NFATC1: variants seen among roughly 807,000 people sequenced by gnomAD.
NFATC1 encodes the protein nuclear factor of activated T-cells, cytoplasmic 1.
Under a neutral mutation model 76.0 loss-of-function variants are expected in NFATC1, and 22 were observed. The ratio of observed to expected loss-of-function variants is 0.29; its 90% confidence interval spans 0.21 to 0.41. The LOEUF (loss-of-function observed/expected upper bound fraction) is 0.41, where lower values mean the gene tolerates loss of function less well. Ranked by LOEUF, NFATC1 falls within the 10% of genes least tolerant of loss-of-function variation. NFATC1 has a pLI of 1.00. For missense variants in NFATC1, 1,357 were observed against 1,337.7 expected (o/e 1.01, Z -0.23); for synonymous variants, 704 against 613.1 (o/e 1.15, Z -2.19).
chr18:79,481,103 G>A (rs115554373), intron 8 of NFATC1, among the ~76,000 whole-genome samples: 202 of 152,364 alleles, frequency 1.3e-3, no homozygotes, highest in African/African-American at 4.6e-3. Context: ...TCTCAAAGGC[G>A]CAGGCCTGAG....
chr18:79,463,319 C>T (rs1568992569), intron 7 of NFATC1, among the ~76,000 whole-genome samples: 1 of 152,154 alleles, frequency 6.6e-6, no homozygotes, highest in African/African-American at 2.4e-5. Context: ...AGGAAGGAGT[C>T]CCGGCCTACA....
intron 2 of NFATC1, 76 bp downstream of exon 2, chr18:79,411,577 G>GGGGGCGGCGC: frequency 8.9e-7 from 1 of 1,129,118 alleles, no homozygotes; most frequent in Non-Finnish European, 1.1e-6. Flanking sequence ...GAGCGGGACG[G>GGGGGCGGCGC]GGGGCGGCGC....
chr18:79,480,075 G>A (rs2089220758), intron 8 of NFATC1, among the ~76,000 whole-genome samples: 1 of 152,232 alleles, frequency 6.6e-6, no homozygotes, highest in African/African-American at 2.4e-5. Context: ...CGGTGACCAC[G>A]TCGCAGCTCA....
intron 1 of NFATC1, among the ~76,000 whole-genome samples, chr18:79,404,338 T>G (rs1432002178): frequency 6.6e-6 from 1 of 152,196 alleles, no homozygotes; most frequent in Non-Finnish European, 1.5e-5. Flanking sequence ...GCTGGCAGAT[T>G]GTTGGGGGAA....
intron 1 of NFATC1, among the ~76,000 whole-genome samples, chr18:79,403,848 G>T (rs1600590077): frequency 6.6e-6 from 1 of 152,242 alleles, no homozygotes; most frequent in East Asian, 1.9e-4. Flanking sequence ...GCTGGTCGGG[G>T]GCTGTGGCAG....
At chr18:79,457,177 AC>A (rs945498483) in intron 6 of NFATC1, among the ~76,000 whole-genome samples, 1 of 151,822 alleles carries the variant, frequency 6.6e-6, no homozygotes, top group African/African-American at 2.4e-5. Context: ...GCCGGGCTGA[AC>A]CCCCAGGCTT....
At chr18:79,422,145 G>A (rs1055192900) in intron 2 of NFATC1, 2 of 152,250 alleles carry the variant, frequency 1.3e-5, no homozygotes, top group African/African-American at 4.8e-5. Context: ...TCCAAGCTGA[G>A]AAGATTGAGT....
intron 8 of NFATC1, among the ~76,000 whole-genome samples, chr18:79,482,041 C>A (rs1248993533): frequency 1.5e-5 from 2 of 135,716 alleles, no homozygotes; most frequent in Admixed American, 1.5e-4. Flanking sequence ...GTCATTCCAG[C>A]GTGAGCTGTT....
chr18:79,437,645 G>A (rs999446101), intron 3 of NFATC1, among the ~76,000 whole-genome samples: 11 of 152,252 alleles, frequency 7.2e-5, no homozygotes, highest in Non-Finnish European at 1.5e-4. Flanking sequence ...CTCACACTGA[G>A]TGTCCTGATG....
At chr18:79,448,429 T>G in intron 3 of NFATC1, 1 of 317,254 alleles carries the variant, frequency 3.2e-6, no homozygotes, top group Non-Finnish European at 5.9e-6. Context: ...GGGCCTCATC[T>G]GGATTTATTG....
chr18:79,430,589 G>A (rs531826240), intron 2 of NFATC1, among the ~76,000 whole-genome samples: 1 of 152,350 alleles, frequency 6.6e-6, no homozygotes, highest in African/African-American at 2.4e-5. Flanking sequence ...CACCCTGTTG[G>A]CCAGGATGGT....
chr18:79,494,307 G>T (rs1419547497), intron 9 of NFATC1, among the ~76,000 whole-genome samples: 1 of 142,148 alleles, frequency 7.0e-6, no homozygotes, highest in East Asian at 2.1e-4. Context: ...GCGGGCACAC[G>T]CCCCCCATGA....
chr18:79,404,776 C>T lies in NFATC1; in HGVS notation c.128-5627C>T, dbSNP rs543767424. Among the ~76,000 whole-genome samples the T allele has an allele frequency of 5.9e-5, 9 of 152,210 alleles. No homozygotes were observed. In the East Asian group the frequency reaches 9.7e-4, roughly 16 times the overall value. On this transcript the variant is annotated intron_variant, in intron 1 of 9. Transcript: ENST00000427363. The stretch of plus-strand genomic sequence containing the variant: ...CGTGGCTGTCCTGCCCTGCGCACAG[C>T]GAGTGAGGGAGTGGCTGTCTGGGAA...
chr18:79,481,605 G>A (rs1187040753), intron 8 of NFATC1, among the ~76,000 whole-genome samples: 2 of 152,248 alleles, frequency 1.3e-5, no homozygotes, highest in Non-Finnish European at 2.9e-5. Flanking sequence ...CCCAGGAACC[G>A]CCTCGGCGCT....
chr18:79,454,928 C>G (rs1410375342), intron 6 of NFATC1, among the ~76,000 whole-genome samples: 1 of 149,812 alleles, frequency 6.7e-6, no homozygotes, highest in Non-Finnish European at 1.5e-5. Flanking sequence ...ATCACTGTGT[C>G]TGTGTTCCGA....
chr18:79,461,076 G>A (rs769442961), intron 6 of NFATC1, among the ~76,000 whole-genome samples: 1 of 152,228 alleles, frequency 6.6e-6, no homozygotes, highest in Non-Finnish European at 1.5e-5. Context: ...TGAGCCGCGT[G>A]TCCTCAGCTT....
intron 9 of NFATC1, among the ~76,000 whole-genome samples, chr18:79,514,292 TA>T (rs2090327179): frequency 6.6e-6 from 1 of 151,678 alleles, no homozygotes; most frequent in Non-Finnish European, 1.5e-5. Context: ...TTTTAGAAAT[TA>T]GCCAGGTGTG....
intron 2 of NFATC1, among the ~76,000 whole-genome samples, chr18:79,426,188 C>T (rs549359798): frequency 1.3e-5 from 2 of 151,756 alleles, no homozygotes; most frequent in South Asian, 2.1e-4. Flanking sequence ...AAAAAGAATT[C>T]GATAATCCTG....
At chr18:79,482,285 T>C (rs2089305731) in intron 8 of NFATC1, among the ~76,000 whole-genome samples, 1 of 140,098 alleles carries the variant, frequency 7.1e-6, no homozygotes, top group Non-Finnish European at 1.5e-5. Flanking sequence ...CAGTGTGACC[T>C]GGTTCCTGGG....
Sources: gnomAD v4.1 joint callset for allele counts (sites outside exome capture counted in the v4.1 genomes callset) on GRCh38, gnomAD v4.1.1 for gene constraint, MANE v1.5 for transcripts, NCBI Gene and HGNC (gene_info 2026-07-23, HGNC 2026-07-21) for gene names.